Variants in NUBPL observed in about 807,000 individuals in gnomAD.
The protein encoded by NUBPL is NUBP iron-sulfur cluster assembly factor, mitochondrial, also known as iron-sulfur cluster transfer protein NUBPL.
A neutral mutation model predicts 45.7 loss-of-function variants in NUBPL; 31 were observed. That is an observed-to-expected ratio of 0.68 (90% CI 0.51 to 0.92). The LOEUF (loss-of-function observed/expected upper bound fraction) is 0.92, where lower values mean the gene tolerates loss of function less well. Among genes scored for constraint, NUBPL ranks in the 40% least tolerant of loss-of-function variants. The pLI, the probability that NUBPL is intolerant of heterozygous loss-of-function variation, is 0.00. For synonymous variants in NUBPL, 144 were observed against 140.9 expected (o/e 1.02, Z -0.15); for missense variants, 401 against 398.7 (o/e 1.01, Z -0.05).
At chr14:31,611,407 C>G (rs572136922) in intron 4 of NUBPL, among the ~76,000 whole-genome samples, 1 of 152,134 alleles carries the variant, frequency 6.6e-6, no homozygotes, top group South Asian at 2.1e-4. Flanking sequence ...AACACTGATG[C>G]AAATAACTGA....
At chr14:31,755,254 G>C (rs1466699609) in intron 6 of NUBPL, among the ~76,000 whole-genome samples, 2 of 152,080 alleles carry the variant, frequency 1.3e-5, no homozygotes, top group Non-Finnish European at 2.9e-5. Context: ...TCTAGTTCTA[G>C]ATCCCTGAGG....
rs533662150 is a variant in NUBPL at position 31,636,412 on chromosome 14, G to A, written c.383-36943G>A. Among the ~76,000 whole-genome samples the A allele has an allele frequency of 3.3e-5, 5 of 152,254 alleles. No individual in the cohort carries two copies. In the East Asian group the frequency reaches 9.7e-4, roughly 29 times the overall value. ...TTACATTTATTGATTTGCGTATATT[G>A]AACCAGCTTTGCATCGCAGGGATGA... On this transcript the variant is annotated intron_variant, in intron 4 of 10. Coordinates refer to ENST00000281081, the MANE Select transcript of NUBPL (RefSeq NM_025152.3).
At chr14:31,855,538 G>A (rs527559571) in intron 10 of NUBPL, among the ~76,000 whole-genome samples, 13 of 152,058 alleles carry the variant, frequency 8.5e-5, no homozygotes, top group South Asian at 2.1e-4. Flanking sequence ...CTTGTTTTAC[G>A]TGTCTAAGTG....
intron 8 of NUBPL, among the ~76,000 whole-genome samples, chr14:31,843,537 C>T (rs751715688): frequency 6.6e-6 from 1 of 152,196 alleles, no homozygotes; most frequent in Admixed American, 6.5e-5. Context: ...TTGCTTACAA[C>T]TCTGTAATGG....
chr14:31,742,774 T>TG (rs1163396099), intron 6 of NUBPL, among the ~76,000 whole-genome samples: 1 of 151,316 alleles, frequency 6.6e-6, no homozygotes, highest in Non-Finnish European at 1.5e-5. Flanking sequence ...AGCTGATTTT[T>TG]TTTTTTTTTT....
rs184401366 is a variant in NUBPL at position 31,580,547 on chromosome 14, G to A, written c.291+15499G>A. 2.0e-5 allele frequency among the ~76,000 whole-genome samples: 3 copies of A among 152,250 alleles called. No individual in the cohort carries two copies. The East Asian group carries it at 5.8e-4, about 29-fold the overall frequency. Reference sequence around the variant, plus strand: ...GCAGATCACTTGAGCCCAGGAGTTCGAGGCTGCAGTGAGCTATGATCACAC... The same window carrying A: ...GCAGATCACTTGAGCCCAGGAGTTCAAGGCTGCAGTGAGCTATGATCACAC... On this transcript the variant is annotated intron_variant, in intron 3 of 10. Coordinates refer to ENST00000281081, the MANE Select transcript of NUBPL (RefSeq NM_025152.3).
intron 10 of NUBPL, among the ~76,000 whole-genome samples, chr14:31,853,815 G>T (rs1256015516): frequency 6.6e-6 from 1 of 152,090 alleles, no homozygotes; most frequent in Non-Finnish European, 1.5e-5. Context: ...CAATAGAGGA[G>T]GGGTGAGAAG....
At position 31,841,917 on chromosome 14, in the gene NUBPL, C is replaced by CTT. The variant is rs547795007; in HGVS notation, c.694-4524_694-4523dup. On this transcript the variant is annotated intron_variant, in intron 8 of 10. Coordinates refer to ENST00000281081, the MANE Select transcript of NUBPL (RefSeq NM_025152.3). ...CTTTCATGTATGGGTCGATTCTGGG[C>CTT]TTTTTTTTTTTTTTTTTTTTTTTTT... is the stretch of plus-strand genomic sequence containing the variant. Among the ~76,000 whole-genome samples the CTT allele has an allele frequency of 9.8e-3, 422 of 43,010 alleles. 85 individuals carry two copies. Among genetic ancestry groups the CTT allele is most frequent in the African/African-American group, 0.02 (211 of 10,788 alleles). 28.2% of individuals were successfully genotyped at this position (43,010 alleles called of 152,430 possible).
At chr14:31,612,687 GA>G (rs936629796) in intron 4 of NUBPL, among the ~76,000 whole-genome samples, 5 of 147,092 alleles carry the variant, frequency 3.4e-5, no homozygotes, top group African/African-American at 4.9e-5. Context: ...GAAAAGAAAA[GA>G]AAAAAAAAGG....
intron 6 of NUBPL, 41 bp downstream of exon 6, chr14:31,673,615 G>C: frequency 2.0e-6 from 3 of 1,528,542 alleles, no homozygotes; most frequent in Non-Finnish European, 2.7e-6. Context: ...CATTGGCAAA[G>C]CTGTGGTTAA....
At chr14:31,810,237 A>G (rs1220169518) in intron 7 of NUBPL, among the ~76,000 whole-genome samples, 1 of 151,904 alleles carries the variant, frequency 6.6e-6, no homozygotes, top group African/African-American at 2.4e-5. Flanking sequence ...TCCCATTATT[A>G]TTGTGTGGGA....
intron 6 of NUBPL, among the ~76,000 whole-genome samples, chr14:31,745,706 A>G (rs925206536): frequency 1.1e-4 from 16 of 152,082 alleles, no homozygotes; most frequent in African/African-American, 3.1e-4. Flanking sequence ...GGTGCACGGT[A>G]ACATATTCAG....
chr14:31,654,478 A>G (rs75942791), intron 4 of NUBPL, among the ~76,000 whole-genome samples: 6,486 of 148,718 alleles, frequency 0.044, 192 homozygotes, highest in Non-Finnish European at 0.061. Flanking sequence ...GCATGATCTC[A>G]GCTCACTGCA....
chr14:31,840,970 T>C (rs554958775), intron 8 of NUBPL, among the ~76,000 whole-genome samples: 26 of 152,346 alleles, frequency 1.7e-4, no homozygotes, highest in Non-Finnish European at 3.1e-4. Flanking sequence ...GTGTGTCCGG[T>C]TTATTTTGTT....
intron 6 of NUBPL, among the ~76,000 whole-genome samples, chr14:31,700,970 T>C (rs4981882): frequency 0.96 from 145,904 of 152,292 alleles, 70,087 homozygotes; most frequent in East Asian, 1. Flanking sequence ...GCTCCATCTA[T>C]GGCCCCAGCA....
At chr14:31,843,266 A>G (rs2040404378) in intron 8 of NUBPL, among the ~76,000 whole-genome samples, 1 of 152,222 alleles carries the variant, frequency 6.6e-6, no homozygotes, top group Admixed American at 6.5e-5. Context: ...AAAACAAGTT[A>G]TGTGTTCCTA....
chr14:31,567,897 T>C (rs2033479968), intron 3 of NUBPL, among the ~76,000 whole-genome samples: 1 of 152,216 alleles, frequency 6.6e-6, no homozygotes, highest in Non-Finnish European at 1.5e-5. Context: ...CTCTAGGCGA[T>C]TTTGATGCAT....
intron 8 of NUBPL, among the ~76,000 whole-genome samples, chr14:31,827,878 T>G (rs1231139709): frequency 6.6e-6 from 1 of 152,224 alleles, no homozygotes; most frequent in African/African-American, 2.4e-5. Context: ...CTCAGAGGGC[T>G]TCTGAAAAGT....
Position 31,674,911 on chromosome 14 carries a change from C to T in NUBPL, c.513+1337C>T, listed in dbSNP as rs145418831. On this transcript the variant is annotated intron_variant, in intron 6 of 10. Coordinates refer to ENST00000281081, the MANE Select transcript of NUBPL (RefSeq NM_025152.3). ...CAGCACTTTGGGAGGCCGAGATGGG[C>T]GGATCACGAGGTCAGGAGATCGAGA... Among the ~76,000 whole-genome samples, 161 of 152,056 alleles carry T rather than the reference C, an allele frequency of 1.1e-3. 1 individual carries two copies. Among genetic ancestry groups the T allele is most frequent in the Non-Finnish European group, 1.3e-3 (88 of 67,972 alleles).
Sources: allele counts gnomAD v4.1 joint callset (sites outside exome capture counted in the v4.1 genomes callset), GRCh38; gene constraint gnomAD v4.1.1; transcripts MANE v1.5; gene names NCBI Gene and HGNC (gene_info 2026-07-23, HGNC 2026-07-21).